Variants in FBLN7 observed in about 807,000 individuals in gnomAD.
FBLN7 encodes fibulin-7.
A neutral mutation model predicts 44.0 loss-of-function variants in FBLN7; 31 were observed. The ratio of observed to expected loss-of-function variants is 0.70; its 90% CI spans 0.53 to 0.95. FBLN7 has a LOEUF of 0.95. Among genes scored for constraint, FBLN7 ranks in the 40% least tolerant of loss-of-function variants. The probability of loss-of-function intolerance (pLI) is 0.00; values close to 1 mark genes in which losing one functional copy is unlikely to be tolerated. For synonymous variants in FBLN7, 262 were observed against 253.4 expected, an observed-to-expected ratio of 1.03 and a Z score of -0.32; for missense variants, 573 against 618.5, an observed-to-expected ratio of 0.93 and a Z score of 0.78.
At chr2:112,178,429 A>C (rs993790717) in intron 4 of FBLN7, among the ~76,000 whole-genome samples, 5 of 152,164 alleles carry the variant, frequency 3.3e-5, no homozygotes, top group Non-Finnish European at 7.3e-5. Context: ...ATGTACAAAG[A>C]AGAGCTGGTA....
intron 3 of FBLN7, among the ~76,000 whole-genome samples, chr2:112,167,869 C>CGTTTTATGTTAT (rs1682242201): frequency 7.5e-6 from 1 of 132,826 alleles, no homozygotes; most frequent in African/African-American, 2.9e-5. Context: ...AGGAAAGACA[C>CGTTTTATGTTAT]GTTATGTTAT....
At chr2:112,160,918 C>G (rs1337806510) in intron 2 of FBLN7, among the ~76,000 whole-genome samples, 1 of 152,188 alleles carries the variant, frequency 6.6e-6, no homozygotes, top group African/African-American at 2.4e-5. Flanking sequence ...CCAAGGTTGG[C>G]TCCAGTGCTT....
the FBLN7 span, among the ~76,000 whole-genome samples, chr2:112,200,402 G>A: frequency 1.3e-5 from 2 of 152,194 alleles, no homozygotes. Context: ...GGAATCACTA[G>A]CTACATACTT....
intron 1 of FBLN7, chr2:112,151,571 C>T (rs1244526062): frequency 6.6e-6 from 1 of 152,240 alleles, no homozygotes; most frequent in Non-Finnish European, 1.5e-5. Flanking sequence ...CACCATGGAG[C>T]TGACAGAATG....
the FBLN7 span, among the ~76,000 whole-genome samples, chr2:112,208,717 C>T: frequency 6.6e-6 from 1 of 152,104 alleles, no homozygotes; most frequent in Admixed American, 6.6e-5. Flanking sequence ...TAATCTTATA[C>T]AGTCTGATAG....
chr2:112,229,849 C>T, the FBLN7 span, among the ~76,000 whole-genome samples: 11 of 151,098 alleles, frequency 7.3e-5, no homozygotes, highest in African/African-American at 2.7e-4. Context: ...AGCCTCATGA[C>T]AGGGAATAAT....
Position 112,181,734 on chromosome 2 carries a change from C to T in FBLN7, c.533-5C>T. The T allele has an allele frequency of 7.2e-7, 1 of 1,380,572 alleles. No homozygotes were observed. Among genetic ancestry groups the T allele is most frequent in the East Asian group, 3.1e-5 (1 of 32,752 alleles). 85.5% of individuals were successfully genotyped at this position (1,380,572 alleles called of 1,614,324 possible). On this transcript the variant is annotated splice_polypyrimidine_tract_variant and splice_region_variant and intron_variant, in intron 4 of 7. Coordinates refer to ENST00000331203, the MANE Select transcript of FBLN7 (RefSeq NM_153214.3). Reference sequence around the variant, plus strand: ...CCCGGCACTGAGCGTGTCTTCTCCCCGCAGCCGCCCCCGAGGGCAGCGTGG... The same window carrying T: ...CCCGGCACTGAGCGTGTCTTCTCCCTGCAGCCGCCCCCGAGGGCAGCGTGG...
chr2:112,165,009 C>T lies in FBLN7; in HGVS notation c.244C>T (p.Pro82Ser), dbSNP rs1253228996. Residue 82 changes from proline (P) to serine (S), a missense_variant, in exon 3 of 8, where the codon CCG becomes TCG. Pro to Ser is a moderately conservative substitution (Grantham distance 74). Coordinates refer to ENST00000331203, the MANE Select transcript of FBLN7 (RefSeq NM_153214.3). ...TCCATCTCTCCTTACAGTTTCCTGC[C>T]CGGCTCTGAACACCCCCGCAGACGG... ...VGPDALPVSC[P>S]ALNTPADGRK... is the part of the protein sequence containing the mutation. The T allele has an allele frequency of 6.2e-7, 1 of 1,613,694 alleles. No individual in the cohort carries two copies. The highest frequency in any genetic ancestry group is 8.5e-7 in the Non-Finnish European group (1 of 1,179,894).
chr2:112,184,663 G>GTA (rs1683159833), intron 6 of FBLN7, among the ~76,000 whole-genome samples: 1 of 149,042 alleles, frequency 6.7e-6, no homozygotes, highest in African/African-American at 2.5e-5. Context: ...TAGGTATATG[G>GTA]TATATATATG....
At chr2:112,153,501 AG>A (rs1681267728) in intron 1 of FBLN7, among the ~76,000 whole-genome samples, 1 of 152,158 alleles carries the variant, frequency 6.6e-6, no homozygotes, top group Non-Finnish European at 1.5e-5. Flanking sequence ...GCCAGGTTAC[AG>A]GAGAACAGAA....
At chr2:112,166,262 A>T (rs906153527) in intron 3 of FBLN7, among the ~76,000 whole-genome samples, 1 of 152,172 alleles carries the variant, frequency 6.6e-6, no homozygotes, top group Non-Finnish European at 1.5e-5. Context: ...TGTTGGCCAG[A>T]CTGGTCTCCA....
chr2:112,221,513 T>C, the FBLN7 span, among the ~76,000 whole-genome samples: 9 of 152,166 alleles, frequency 5.9e-5, no homozygotes, highest in Middle Eastern at 3.2e-3. Context: ...AATTACCCAG[T>C]CTAAGGTATT....
chr2:112,207,059 A>G, the FBLN7 span, among the ~76,000 whole-genome samples: 19 of 152,280 alleles, frequency 1.2e-4, no homozygotes, highest in African/African-American at 4.6e-4. Flanking sequence ...ATCTACTTCC[A>G]TTATGTACAG....
At chr2:112,181,706 G>T in intron 4 of FBLN7, 33 bp from the exon 5 acceptor site, 1 of 1,351,722 alleles carries the variant, frequency 7.4e-7, no homozygotes, top group South Asian at 1.8e-5. Flanking sequence ...AGGTGCGCCA[G>T]GGCCCGGCAC....
chr2:112,157,987 C>T (rs1681524199), intron 1 of FBLN7, among the ~76,000 whole-genome samples: 1 of 151,800 alleles, frequency 6.6e-6, no homozygotes, highest in Admixed American at 6.6e-5. Context: ...GGCTCTGCCC[C>T]CCGGGGTTCA....
At chr2:112,236,785 G>A in the FBLN7 span, 1 of 1,174,908 alleles carries the variant, frequency 8.5e-7, no homozygotes, top group Non-Finnish European at 1.2e-6. Context: ...AGTGGCTCAT[G>A]TCTGTAATCC....
chr2:112,195,735 C>T, the FBLN7 span, among the ~76,000 whole-genome samples: 6 of 152,358 alleles, frequency 3.9e-5, no homozygotes, highest in South Asian at 1.0e-3. Context: ...AGCATCCCTA[C>T]AGACCTGACC....
chr2:112,205,731 T>C, the FBLN7 span, among the ~76,000 whole-genome samples: 1 of 152,286 alleles, frequency 6.6e-6, no homozygotes, highest in African/African-American at 2.4e-5. Flanking sequence ...TAGCTTATAG[T>C]AATTTTTAAA....
At chr2:112,149,160 A>G (rs1681022347) in intron 1 of FBLN7, among the ~76,000 whole-genome samples, 1 of 151,632 alleles carries the variant, frequency 6.6e-6, no homozygotes, top group Non-Finnish European at 1.5e-5. Flanking sequence ...CAAGAATGAG[A>G]TCTACATCCT....
Sources: gnomAD v4.1 joint callset for allele counts (sites outside exome capture counted in the v4.1 genomes callset) on GRCh38, gnomAD v4.1.1 for gene constraint, MANE v1.5 for transcripts, NCBI Gene and HGNC (gene_info 2026-07-23, HGNC 2026-07-21) for gene names.